NREP: variants seen among roughly 807,000 people sequenced by gnomAD.
NREP encodes neuronal regeneration-related protein.
NREP carries 5 observed loss-of-function variants against 8.6 expected under a neutral mutation model. The ratio of observed to expected loss-of-function variants is 0.58; its 90% CI spans 0.30 to 1.22. NREP has a LOEUF of 1.22. Ranked by LOEUF, NREP falls within the 50% of genes most tolerant of loss-of-function variation. The pLI is 0.07. For synonymous variants in NREP, 27 were observed against 28.0 expected (o/e 0.96, Z 0.11); for missense variants, 86 against 82.5 (o/e 1.04, Z -0.17).
upstream of NREP, chr5:111,757,741 ACGGCGCGCG>A: frequency 1.0e-6 from 1 of 984,090 alleles, no homozygotes; most frequent in South Asian, 4.7e-5. Context: ...CCCCGGGAGC[ACGGCGCGCG>A]CAAATCCCCG....
At chr5:111,773,979 A>G (rs979235874) in intron 2 of NREP, among the ~76,000 whole-genome samples, 1 of 152,170 alleles carries the variant, frequency 6.6e-6, no homozygotes, top group African/African-American at 2.4e-5. Flanking sequence ...GGTGACACAA[A>G]GCATGCTCGT....
At chr5:111,909,705 A>C (rs1164557061) in intron 2 of NREP, among the ~76,000 whole-genome samples, 2 of 152,104 alleles carry the variant, frequency 1.3e-5, no homozygotes, top group African/African-American at 4.8e-5. Flanking sequence ...TGGCTTGGAC[A>C]TGAAATTTAT....
chr5:111,756,295 T>TAAA, intron 1 of NREP: 4 of 353,988 alleles, frequency 1.1e-5, no homozygotes, highest in Non-Finnish European at 1.3e-5. Flanking sequence ...CCTTCCGTGT[T>TAAA]TAAAAAAAAA....
intron 2 of NREP, among the ~76,000 whole-genome samples, chr5:111,928,078 C>T (rs1755438016): frequency 6.6e-6 from 1 of 152,128 alleles, no homozygotes; most frequent in Non-Finnish European, 1.5e-5. Flanking sequence ...CACCTCTCCA[C>T]TTGACAGTTG....
intron 2 of NREP, among the ~76,000 whole-genome samples, chr5:111,798,034 C>G (rs1011978102): frequency 6.6e-6 from 1 of 152,166 alleles, no homozygotes; most frequent in Non-Finnish European, 1.5e-5. Flanking sequence ...ACACTAAGCA[C>G]AGATTACTGG....
chr5:111,768,249 A>G (rs887749834), intron 2 of NREP, among the ~76,000 whole-genome samples: 2 of 152,218 alleles, frequency 1.3e-5, no homozygotes, highest in Non-Finnish European at 2.9e-5. Context: ...CAACAGTGGT[A>G]GCCTCAAGAA....
At chr5:111,849,962 T>A (rs1014676941) in intron 2 of NREP, among the ~76,000 whole-genome samples, 2 of 152,164 alleles carry the variant, frequency 1.3e-5, no homozygotes, top group African/African-American at 4.8e-5. Flanking sequence ...TGAAGGGGCC[T>A]GGGACACTGA....
chr5:111,809,474 C>T (rs1050899413), intron 2 of NREP, among the ~76,000 whole-genome samples: 1 of 152,160 alleles, frequency 6.6e-6, no homozygotes, highest in African/African-American at 2.4e-5. Context: ...GGGACAGATT[C>T]CTCATGAATG....
intron 2 of NREP, among the ~76,000 whole-genome samples, chr5:111,960,515 T>G (rs1158518373): frequency 6.6e-6 from 1 of 152,196 alleles, no homozygotes. Flanking sequence ...CCATCATCAC[T>G]GTGAAAAACA....
chr5:111,887,220 A>T (rs960386698), intron 2 of NREP, among the ~76,000 whole-genome samples: 1 of 152,256 alleles, frequency 6.6e-6, no homozygotes, highest in Admixed American at 6.5e-5. Context: ...TACCATGCCC[A>T]GTGTACATAA....
At chr5:111,956,228 A>T (rs1010328252) in intron 2 of NREP, among the ~76,000 whole-genome samples, 1 of 152,154 alleles carries the variant, frequency 6.6e-6, no homozygotes, top group Admixed American at 6.5e-5. Flanking sequence ...GCTCACAGAC[A>T]AGAATTGCAG....
rs115377680 is a variant in NREP, at chr5:111,749,486, G to C, written c.3+6284C>G. Among the ~76,000 whole-genome samples the C allele has an allele frequency of 7.9e-3, 1,206 of 152,222 alleles. 11 individuals are homozygous for C. Among genetic ancestry groups the C allele is most frequent in the African/African-American group, 0.027 (1,132 of 41,536 alleles). On this transcript the variant is annotated intron_variant, in intron 2 of 3. Transcript: ENST00000257435. ...TACTCGATTTTCGTCTATCATGTGA[G>C]GAGATTCTCTTTGGTTGGTCACCAC... is the stretch of plus-strand genomic sequence containing the variant.
rs187969968 is a variant in NREP, at chr5:111,747,707, C to A, written c.3+8063G>T. Among the ~76,000 whole-genome samples the A allele has an allele frequency of 1.7e-3, 252 of 152,224 alleles. 2 individuals are homozygous for A. Among genetic ancestry groups the A allele is most frequent in the African/African-American group, 5.9e-3 (246 of 41,538 alleles). The stretch of plus-strand genomic sequence containing the variant: ...ATTTCAGTGAAAAGGGGCAGACAGA[C>A]CTTCCTTTCATGCCACGTTCTCTTA... On this transcript the variant is annotated intron_variant, in intron 2 of 3. Coordinates refer to ENST00000257435, the MANE Select transcript of NREP (RefSeq NM_004772.4).
chr5:111,911,608 T>G (rs150139261), intron 2 of NREP, among the ~76,000 whole-genome samples: 40 of 152,120 alleles, frequency 2.6e-4, no homozygotes, highest in African/African-American at 8.9e-4. Flanking sequence ...CATAAATAAT[T>G]CACAACTAGA....
chr5:111,894,794 G>A (rs1426201680), intron 2 of NREP, among the ~76,000 whole-genome samples: 4 of 152,272 alleles, frequency 2.6e-5, no homozygotes, highest in African/African-American at 9.6e-5. Flanking sequence ...CACCACACTC[G>A]GGTAATATCA....
intron 2 of NREP, among the ~76,000 whole-genome samples, chr5:111,840,913 T>C (rs1310404652): frequency 6.6e-6 from 1 of 152,026 alleles, no homozygotes; most frequent in African/African-American, 2.4e-5. Flanking sequence ...ATTTGCCTAA[T>C]ATAAAAGGAG....
chr5:111,854,780 G>A (rs973971698), intron 2 of NREP, among the ~76,000 whole-genome samples: 13 of 152,062 alleles, frequency 8.5e-5, no homozygotes, highest in African/African-American at 1.9e-4. Context: ...TACCAGCTCT[G>A]TTACCTTCCC....
intron 2 of NREP, among the ~76,000 whole-genome samples, chr5:111,910,447 G>C (rs1754881392): frequency 6.6e-6 from 1 of 151,904 alleles, no homozygotes; most frequent in Non-Finnish European, 1.5e-5. Context: ...TAGTGGCAGG[G>C]TGTTCTCACA....
intron 2 of NREP, among the ~76,000 whole-genome samples, chr5:111,768,369 T>C (rs1371761933): frequency 6.6e-6 from 1 of 152,230 alleles, no homozygotes; most frequent in Non-Finnish European, 1.5e-5. Context: ...TATTATAATT[T>C]CAACTTTTAT....
Sources: gnomAD v4.1 joint callset for allele counts (sites outside exome capture counted in the v4.1 genomes callset) on GRCh38, gnomAD v4.1.1 for gene constraint, MANE v1.5 for transcripts, NCBI Gene and HGNC (gene_info 2026-07-23, HGNC 2026-07-21) for gene names.